Variants in MAP4K3 observed in about 807,000 individuals in gnomAD.
MAP4K3 encodes the protein MAPK/ERK kinase kinase kinase 3.
In MAP4K3, 94 loss-of-function variants were observed where a neutral mutation model predicts 143.5. The ratio of observed to expected loss-of-function variants is 0.65; its 90% CI spans 0.55 to 0.78. The LOEUF (loss-of-function observed/expected upper bound fraction) is 0.78. MAP4K3 is among the 30% of genes least tolerant of loss of function. The probability of loss-of-function intolerance (pLI) is 0.00; values close to 1 mark genes in which losing one functional copy is unlikely to be tolerated. For missense variants in MAP4K3, 1,077 were observed against 1,068.1 expected, an observed-to-expected ratio of 1.01 and a Z score of -0.12; for synonymous variants, 416 against 347.2, an observed-to-expected ratio of 1.20 and a Z score of -2.20.
At chr2:39,402,199 A>G (rs1185221675) in intron 1 of MAP4K3, among the ~76,000 whole-genome samples, 1 of 152,226 alleles carries the variant, frequency 6.6e-6, no homozygotes, top group Non-Finnish European at 1.5e-5. Context: ...CAGACACCAG[A>G]AAAGATTAGT....
At chr2:39,358,963 T>C (rs1037385077) in intron 2 of MAP4K3, among the ~76,000 whole-genome samples, 2 of 152,118 alleles carry the variant, frequency 1.3e-5, no homozygotes, top group Non-Finnish European at 2.9e-5. Flanking sequence ...CCAAATCTCA[T>C]GTCCTCACAT....
intron 24 of MAP4K3, among the ~76,000 whole-genome samples, chr2:39,277,672 C>G (rs1343108287): frequency 4.6e-5 from 7 of 151,984 alleles, no homozygotes; most frequent in Non-Finnish European, 1.0e-4. Context: ...TCAAGTGACT[C>G]TCCTGTCTCA....
rs143625811 is a variant in MAP4K3, at chr2:39,310,079, T to C, written c.998-560A>G. 2.5e-3 allele frequency among the ~76,000 whole-genome samples: 378 copies of C among 152,300 alleles called. 3 individuals carry two copies. Among genetic ancestry groups the C allele is most frequent in the African/African-American group, 8.8e-3 (367 of 41,554 alleles). On this transcript the variant is annotated intron_variant, in intron 13 of 33. Transcript: ENST00000263881. ...TGAACAAAACAGGGTAATTAGGATA[T>C]CTATCACATCAAACATTTACCATTT... is the stretch of plus-strand genomic sequence containing the variant.
Position 39,387,943 on chromosome 2 carries a change from A to T in MAP4K3, c.97-9820T>A, listed in dbSNP as rs113884520. Among the ~76,000 whole-genome samples the T allele has an allele frequency of 1.3e-3, 200 of 152,392 alleles. 3 individuals carry two copies. The highest frequency in any genetic ancestry group is 4.7e-3 in the African/African-American group (194 of 41,594). ...TCATTAACTTTCAAAAAATGCACTT[A>T]GCAGATAATAATTGGATATAGACAT... On this transcript the variant is annotated intron_variant, in intron 1 of 33. Coordinates refer to ENST00000263881, the MANE Select transcript of MAP4K3 (RefSeq NM_003618.4).
chr2:39,316,843 T>C (rs1683127948), intron 12 of MAP4K3, among the ~76,000 whole-genome samples: 1 of 152,130 alleles, frequency 6.6e-6, no homozygotes, highest in African/African-American at 2.4e-5. Context: ...GGATATCCTT[T>C]AGAATCATTT....
At chr2:39,293,088 G>C in intron 17 of MAP4K3, 142 bp downstream of exon 17, 1 of 730,204 alleles carries the variant, frequency 1.4e-6, no homozygotes, top group African/African-American at 1.8e-5. Context: ...CTGCAATCCA[G>C]CCTGGGCAAC....
chr2:39,436,882 C>T lies in MAP4K3; in HGVS notation c.96+10G>A. ...CCACGGCCTCGGCGGCGCGCGGCCC[C>T]TGCCTTTACCTTGTAGACGTCGCCG... On this transcript the variant is annotated intron_variant, in intron 1 of 33. Transcript: ENST00000263881. The T allele has an allele frequency of 6.2e-7, 1 of 1,601,944 alleles. No homozygotes were observed.
chr2:39,268,250 T>TA (rs1252928807), intron 26 of MAP4K3, among the ~76,000 whole-genome samples: 1 of 152,156 alleles, frequency 6.6e-6, no homozygotes, highest in African/African-American at 2.4e-5. Context: ...TGTAATATAA[T>TA]AAAGGTTGTT....
intron 28 of MAP4K3, among the ~76,000 whole-genome samples, chr2:39,263,438 A>AT (rs34894620): frequency 0.1 from 14,370 of 137,318 alleles, 2,417 homozygotes; most frequent in African/African-American, 0.35. Context: ...ACGCCCGGCT[A>AT]TTTTTTTTTT....
Position 39,325,726 on chromosome 2 carries a change from A to T in MAP4K3, c.807+4T>A. ...ATATATATATTTCAGGGCAAAAATAATACCTGTAATAATTTTTCAGCAGTA... is the reference window on the plus strand; with the variant it reads ...ATATATATATTTCAGGGCAAAAATATTACCTGTAATAATTTTTCAGCAGTA... On this transcript the variant is annotated splice_donor_region_variant and intron_variant, in intron 11 of 33. Transcript: ENST00000263881. The T allele has an allele frequency of 6.3e-7, 1 of 1,599,146 alleles. No individual in the cohort carries two copies. Among genetic ancestry groups the T allele is most frequent in the Non-Finnish European group, 8.5e-7 (1 of 1,170,980 alleles).
intron 27 of MAP4K3, among the ~76,000 whole-genome samples, chr2:39,266,904 T>C (rs1450217125): frequency 1.4e-5 from 1 of 72,184 alleles, no homozygotes; most frequent in Non-Finnish European, 4.7e-5. Flanking sequence ...TGATAAAATG[T>C]GGTAAAAAAA....
intron 32 of MAP4K3, 118 bp from the exon 33 acceptor site, chr2:39,252,003 T>TG (rs1162512391): frequency 4.3e-6 from 3 of 695,068 alleles, no homozygotes; most frequent in Non-Finnish European, 7.6e-6. Flanking sequence ...AACATATTCC[T>TG]GCATGACTGT....
intron 17 of MAP4K3, 126 bp downstream of exon 17, chr2:39,293,104 G>A (rs549977748): frequency 7.8e-5 from 59 of 760,800 alleles, no homozygotes; most frequent in African/African-American, 4.5e-4. Context: ...GCAACAGAGC[G>A]AGACCCTATC....
At chr2:39,333,606 G>A (rs748367814) in intron 6 of MAP4K3, 32 bp from the exon 7 acceptor site, 6 of 1,301,702 alleles carry the variant, frequency 4.6e-6, no homozygotes, top group South Asian at 3.7e-5. Flanking sequence ...GTTAGAGTAG[G>A]AAATAGATAT....
intron 32 of MAP4K3, among the ~76,000 whole-genome samples, chr2:39,253,291 G>T (rs1020556746): frequency 1.3e-5 from 2 of 152,116 alleles, no homozygotes; most frequent in African/African-American, 4.8e-5. Context: ...GCGCCACCAC[G>T]CCTGGCTAAT....
chr2:39,278,264 C>T (rs1179019707), intron 24 of MAP4K3, 143 bp downstream of exon 24: 1 of 527,798 alleles, frequency 1.9e-6, no homozygotes. Context: ...AAGAGTGAGA[C>T]TTGGTCTCAA....
intron 27 of MAP4K3, among the ~76,000 whole-genome samples, chr2:39,265,743 C>T (rs1337496162): frequency 1.3e-5 from 2 of 152,068 alleles, no homozygotes; most frequent in African/African-American, 4.8e-5. Flanking sequence ...TGTTTTGTTT[C>T]TGAAAATAAA....
intron 19 of MAP4K3, 104 bp from the exon 20 acceptor site, chr2:39,288,384 T>C: frequency 2.1e-6 from 2 of 974,706 alleles, no homozygotes; most frequent in Non-Finnish European, 3.1e-6. Context: ...CTACTATACA[T>C]TAGAGGTTTA....
At chr2:39,355,720 T>C (rs1159385805) in intron 3 of MAP4K3, among the ~76,000 whole-genome samples, 1 of 152,142 alleles carries the variant, frequency 6.6e-6, no homozygotes, top group East Asian at 1.9e-4. Flanking sequence ...TGGGTCTGGC[T>C]ACCAAAACAA....
Sources: allele counts gnomAD v4.1 joint callset (sites outside exome capture counted in the v4.1 genomes callset), GRCh38; gene constraint gnomAD v4.1.1; transcripts MANE v1.5; gene names NCBI Gene and HGNC (gene_info 2026-07-23, HGNC 2026-07-21).